DSN1: variants seen among roughly 807,000 people sequenced by gnomAD.
The protein encoded by DSN1 is DSN1 component of MIS12 kinetochore complex.
A neutral mutation model predicts 45.7 loss-of-function variants in DSN1; 31 were observed. That is an observed-to-expected ratio of 0.68 (90% confidence interval 0.51 to 0.92). The LOEUF (loss-of-function observed/expected upper bound fraction) is 0.92, where lower values mean the gene tolerates loss of function less well. Among genes scored for constraint, DSN1 ranks in the 40% least tolerant of loss-of-function variants. The pLI, the probability that DSN1 is intolerant of heterozygous loss-of-function variation, is 0.00. For synonymous variants in DSN1, 134 were observed against 142.3 expected (o/e 0.94, Z 0.41); for missense variants, 394 against 414.2 (o/e 0.95, Z 0.42).
chr20:36,773,563 G>T, intron 1 of DSN1, 99 bp downstream of exon 1: 3 of 985,912 alleles, frequency 3.0e-6, no homozygotes, highest in South Asian at 9.3e-5. Context: ...CTGGGCCGAC[G>T]GGTACGACGC....
chr20:36,765,576 G>A (rs1261809628), intron 5 of DSN1, among the ~76,000 whole-genome samples: 7 of 151,596 alleles, frequency 4.6e-5, no homozygotes, highest in Non-Finnish European at 8.8e-5. Context: ...TTTGGAAGGC[G>A]GAGGCAGGCG....
At chr20:36,760,733 C>A (rs1986932382) in intron 6 of DSN1, among the ~76,000 whole-genome samples, 1 of 152,024 alleles carries the variant, frequency 6.6e-6, no homozygotes, top group African/African-American at 2.4e-5. Flanking sequence ...ACTAAAAATA[C>A]AAAAATTAGT....
chr20:36,770,720 C>T (rs1044166349), intron 3 of DSN1, among the ~76,000 whole-genome samples, 153 bp downstream of exon 3: 5 of 152,150 alleles, frequency 3.3e-5, no homozygotes, highest in African/African-American at 1.2e-4. Flanking sequence ...TAATACTGAA[C>T]ATTTACTAGG....
chr20:36,772,434 G>C (rs958083794), intron 1 of DSN1, among the ~76,000 whole-genome samples: 3 of 151,048 alleles, frequency 2.0e-5, no homozygotes, highest in African/African-American at 7.3e-5. Flanking sequence ...GATTACAGGT[G>C]CCTGCCACCA....
chr20:36,758,406 A>G (rs2148262659), intron 7 of DSN1, 152 bp downstream of exon 7: 1 of 727,404 alleles, frequency 1.4e-6, no homozygotes, highest in Non-Finnish European at 2.2e-6. Flanking sequence ...AGTAGAGTCC[A>G]TAAAAATCTC....
In DSN1 at chr20:36,755,782, G is replaced by C. The variant is rs759280569; in HGVS notation, c.773C>G (p.Thr258Arg). The C allele has an allele frequency of 6.2e-7, 1 of 1,614,026 alleles. No individual in the cohort carries two copies. The highest frequency in any genetic ancestry group is 1.1e-5 in the South Asian group (1 of 91,070). The change falls in exon 9 of 11, where the codon ACA becomes AGA. Residue 258 changes from threonine to arginine, a missense_variant. Thr to Arg is a moderately conservative substitution (Grantham distance 71). Coordinates refer to ENST00000373750, the MANE Select transcript of DSN1 (RefSeq NM_001145315.2). The part of the protein sequence containing the change: ...KITEVKVEPM[T>R]YLGSSQNEVL... ...TTCATTCTGAGAAGACCCAAGATATGTCATAGGTTCCACTTTGACCTCAGT... is the reference window on the plus strand; with the variant it reads ...TTCATTCTGAGAAGACCCAAGATATCTCATAGGTTCCACTTTGACCTCAGT...
In DSN1 at chr20:36,755,760, A is replaced by C; in HGVS notation, c.795T>G (p.Asn265Lys). 6.2e-7 allele frequency: 1 copy of C among 1,614,104 alleles called. No individual in the cohort carries two copies. Among genetic ancestry groups the C allele is most frequent in the Non-Finnish European group, 8.5e-7 (1 of 1,180,010 alleles). ...AGTCAGGTTTTGTATTAAGAACTTC[A>C]TTCTGAGAAGACCCAAGATATGTCA... ...EPMTYLGSSQ[N>K]EVLNTKPDYQ... The change falls in exon 9 of 11, where the codon AAT becomes AAG. Residue 265 changes from asparagine to lysine, a missense_variant. By Grantham distance (94) the Asn-to-Lys change is moderately conservative. Transcript: ENST00000373750.
chr20:36,762,055 T>C (rs1376257622), intron 6 of DSN1, among the ~76,000 whole-genome samples: 1 of 151,776 alleles, frequency 6.6e-6, no homozygotes, highest in Non-Finnish European at 1.5e-5. Flanking sequence ...AATAAATGTT[T>C]GTTGGTGAAT....
At chr20:36,765,386 T>C (rs1987264819) in intron 5 of DSN1, among the ~76,000 whole-genome samples, 1 of 150,410 alleles carries the variant, frequency 6.6e-6, no homozygotes, top group African/African-American at 2.5e-5. Flanking sequence ...AGAAACCCCG[T>C]CTCTACTAAA....
At chr20:36,766,390 G>A (rs1987339965) in intron 5 of DSN1, among the ~76,000 whole-genome samples, 2 of 151,932 alleles carry the variant, frequency 1.3e-5, no homozygotes, top group South Asian at 2.1e-4. Flanking sequence ...GTAGGGGGCT[G>A]GGCACAGTGG....
Position 36,754,774 on chromosome 20 carries a change from G to T in DSN1, c.950C>A (p.Ser317Ter). 6.2e-7 allele frequency: 1 copy of T among 1,613,786 alleles called. No homozygotes were observed. The highest frequency in any genetic ancestry group is 1.1e-5 in the South Asian group (1 of 91,054). The change falls in exon 10 of 11, where the codon TCA (serine) becomes TAA (stop). Residue 317 changes from serine (S) to a stop codon, truncating the protein, a stop_gained. Coordinates refer to ENST00000373750, the MANE Select transcript of DSN1 (RefSeq NM_001145315.2). LOFTEE classifies it high-confidence loss of function. ...DESTQCFQKV[S>*]VQLGKRSMQQ... Reference sequence around the variant, plus strand: ...AGAGACAAGCTTACCGAGCTGTACTGACACCTTCTGGAAGCACTGGGTACT... The same window carrying T: ...AGAGACAAGCTTACCGAGCTGTACTTACACCTTCTGGAAGCACTGGGTACT...
chr20:36,768,584 C>A (rs552052681), intron 3 of DSN1, among the ~76,000 whole-genome samples: 2 of 152,272 alleles, frequency 1.3e-5, no homozygotes, highest in Admixed American at 6.5e-5. Context: ...CCCATGTTGG[C>A]CAGGCTGGTC....
chr20:36,752,729 T>C lies in DSN1; in HGVS notation c.*59A>G. The C allele has an allele frequency of 7.1e-7, 1 of 1,398,624 alleles. No homozygotes were observed. The highest frequency in any genetic ancestry group is 1.8e-4 in the Middle Eastern group (1 of 5,658). The allele number at this position is 1,398,624 out of a possible 1,614,324, so 86.6% of individuals were successfully genotyped here. ...CAGAAATCACGCAGTCACCACGTGC[T>C]GGGGCACTCTTCCCATTCCTCTCCT... On this transcript the variant is annotated 3_prime_UTR_variant, in exon 11 of 11. Transcript: ENST00000373750.
intron 1 of DSN1, 55 bp from the exon 2 acceptor site, chr20:36,771,528 T>C: frequency 7.7e-6 from 12 of 1,554,558 alleles, no homozygotes; most frequent in Non-Finnish European, 1.1e-5. Context: ...GCAGTCTCAA[T>C]GGGGCTTTAC....
rs762706812 is a variant in DSN1, at chr20:36,771,123, A to G, written c.105T>C (p.Phe35=). The change falls in exon 3 of 11, where the codon TTT becomes TTC. Residue 35 remains phenylalanine, a synonymous_variant. Transcript: ENST00000373750. ...TCTCCAGGGAGGCAGATGTTTTAGC[A>G]AACACTTCCACAGGACTGAGACTTG... ...LESSLSPVEV[F]AKTSASLEMN... is the part of the protein sequence containing the mutation. The G allele has an allele frequency of 9.3e-6, 15 of 1,614,202 alleles. No individual in the cohort carries two copies. The highest frequency in any genetic ancestry group is 7.7e-5 in the South Asian group (7 of 91,082).
intron 6 of DSN1, among the ~76,000 whole-genome samples, chr20:36,762,132 A>C (rs1281138977): frequency 8.1e-6 from 1 of 122,772 alleles, no homozygotes; most frequent in Non-Finnish European, 1.6e-5. Context: ...TGTGAGACAG[A>C]GTCTCTCTCT....
rs189424374 is a variant in DSN1, at chr20:36,752,602, T to G, written c.*186A>C. The G allele has an allele frequency of 2.1e-6, 1 of 469,628 alleles. No homozygotes were observed. Among genetic ancestry groups the G allele is most frequent in the Non-Finnish European group, 3.8e-6 (1 of 264,964 alleles). The allele number at this position is 469,628 out of a possible 1,614,324, so 29.1% of individuals were successfully genotyped here. A position where few individuals can be genotyped will look rare whatever the true frequency, so the allele number is the denominator to read the frequency against. On this transcript the variant is annotated 3_prime_UTR_variant, in exon 11 of 11. Transcript: ENST00000373750. ...GCATTTTGCACATTCCTGGGAAAAT[T>G]GTCTATACAATATTCATTTGGATGT...
At chr20:36,753,912 A>G (rs1258399821) in intron 10 of DSN1, among the ~76,000 whole-genome samples, 1 of 151,540 alleles carries the variant, frequency 6.6e-6, no homozygotes, top group Non-Finnish European at 1.5e-5. Flanking sequence ...AGGCTGAGGC[A>G]GAAGAATCCC....
In DSN1 at chr20:36,752,743, C is replaced by T; in HGVS notation, c.*45G>A. 6.5e-7 allele frequency: 1 copy of T among 1,529,886 alleles called. No homozygotes were observed. 94.8% of individuals were successfully genotyped at this position (1,529,886 alleles called of 1,614,324 possible). ...TCACCACGTGCTGGGGCACTCTTCC[C>T]ATTCCTCTCCTCTTGGGCACCTTGT... On this transcript the variant is annotated 3_prime_UTR_variant, in exon 11 of 11. Coordinates refer to ENST00000373750, the MANE Select transcript of DSN1 (RefSeq NM_001145315.2).
Sources: allele counts gnomAD v4.1 joint callset (sites outside exome capture counted in the v4.1 genomes callset), GRCh38; gene constraint gnomAD v4.1.1; transcripts MANE v1.5; gene names NCBI Gene and HGNC (gene_info 2026-07-23, HGNC 2026-07-21).